ZNF365: variants seen among roughly 807,000 people sequenced by gnomAD.
ZNF365 encodes the protein zinc finger protein 365.
In ZNF365, 22 loss-of-function variants were observed where a neutral mutation model predicts 35.0. The observed-to-expected ratio is 0.63, with a 90% CI of 0.45 to 0.90. The LOEUF is 0.90. Ranked by LOEUF, ZNF365 falls within the 40% of genes least tolerant of loss-of-function variation. The pLI is 0.00. For synonymous variants in ZNF365, 188 were observed against 196.2 expected, an observed-to-expected ratio of 0.96 and a Z score of 0.35; for missense variants, 448 against 500.3, an observed-to-expected ratio of 0.90 and a Z score of 1.00.
intron 3 of ZNF365, among the ~76,000 whole-genome samples, chr10:62,411,116 G>A (rs553205494): frequency 2.6e-5 from 4 of 152,100 alleles, no homozygotes; most frequent in Non-Finnish European, 5.9e-5. Context: ...CCACTTTTTA[G>A]TGGGATTGTT....
At chr10:62,415,212 G>A (rs1418703624) in intron 3 of ZNF365, among the ~76,000 whole-genome samples, 1 of 151,860 alleles carries the variant, frequency 6.6e-6, no homozygotes. Context: ...CTCACTCTCA[G>A]CATGTGGAAA....
intron 3 of ZNF365, among the ~76,000 whole-genome samples, chr10:62,447,577 A>T (rs1840611110): frequency 6.6e-6 from 1 of 152,124 alleles, no homozygotes; most frequent in Non-Finnish European, 1.5e-5. Context: ...GCAAGGAGGG[A>T]CCTCATCATA....
In ZNF365 at chr10:62,424,560, C is replaced by G. The variant is rs147280579; in HGVS notation, c.925-35181C>G. Among the ~76,000 whole-genome samples the G allele has an allele frequency of 2.4e-3, 367 of 152,266 alleles. 5 individuals are homozygous for G. The highest frequency in any genetic ancestry group is 9.1e-4 in the Non-Finnish European group (62 of 68,026). On this transcript the variant is annotated intron_variant, in intron 3 of 4. Transcript: ENST00000395255. ...TTTTGGACCACTGATCACAAAACAC[C>G]TGTCAATGAGAGTTTTAAAAATTCT...
Position 62,376,547 on chromosome 10 carries a change from G to A in ZNF365, c.354G>A (p.Val118=). The change falls in exon 2 of 5, where the codon GTG becomes GTA. Residue 118 remains valine (V), a synonymous_variant. Transcript: ENST00000395254. ...HSKDRKPFEV[V]AERPVSYVQT... is the part of the protein sequence containing the mutation. The stretch of plus-strand genomic sequence containing the variant: ...AGGACAGGAAGCCATTTGAGGTGGT[G>A]GCAGAGAGGCCTGTGTCCTATGTGC... 2.5e-6 allele frequency: 4 copies of A among 1,614,030 alleles called. No homozygotes were observed. The South Asian group carries it at 3.3e-5, about 13-fold the overall frequency.
At chr10:62,475,329 G>A (rs951796442) in intron 4 of ZNF365, among the ~76,000 whole-genome samples, 4 of 152,150 alleles carry the variant, frequency 2.6e-5, no homozygotes, top group Admixed American at 2.6e-4. Flanking sequence ...TGCTCTGGTG[G>A]GAGGATTGTT....
chr10:62,388,728 T>C, intron 3 of ZNF365, 152 bp downstream of exon 3: 1 of 993,426 alleles, frequency 1.0e-6, no homozygotes. Context: ...TGTGGAAATG[T>C]TACTGGGGAG....
chr10:62,420,360 T>C (rs1589445994), intron 3 of ZNF365, among the ~76,000 whole-genome samples: 1 of 152,220 alleles, frequency 6.6e-6, no homozygotes, highest in Non-Finnish European at 1.5e-5. Flanking sequence ...ATTTTTTTGT[T>C]ATTGTTCAGT....
At chr10:62,392,740 C>T (rs557719812) in intron 3 of ZNF365, among the ~76,000 whole-genome samples, 113 of 152,238 alleles carry the variant, frequency 7.4e-4, no homozygotes, top group African/African-American at 2.6e-3. Flanking sequence ...AAGTGATTCT[C>T]CTGCCTCAGC....
chr10:62,453,846 T>G (rs1840722719), intron 3 of ZNF365, among the ~76,000 whole-genome samples: 1 of 152,214 alleles, frequency 6.6e-6, no homozygotes, highest in South Asian at 2.1e-4. Flanking sequence ...TGTCTAATAT[T>G]TGGGATATGA....
At chr10:62,449,798 A>G (rs967799801) in intron 3 of ZNF365, among the ~76,000 whole-genome samples, 1 of 149,202 alleles carries the variant, frequency 6.7e-6, no homozygotes, top group African/African-American at 2.5e-5. Context: ...TTTTTGCACT[A>G]GTCTTAGCCT....
At chr10:62,455,035 G>C (rs999281502) in intron 3 of ZNF365, among the ~76,000 whole-genome samples, 1 of 152,204 alleles carries the variant, frequency 6.6e-6, no homozygotes, top group Non-Finnish European at 1.5e-5. Context: ...GATACATTTG[G>C]TGGGGGGTTA....
At chr10:62,419,960 A>T (rs952915330) in intron 3 of ZNF365, among the ~76,000 whole-genome samples, 5 of 152,098 alleles carry the variant, frequency 3.3e-5, no homozygotes, top group Non-Finnish European at 7.4e-5. Context: ...CTGGTTTGCT[A>T]AGATATATCA....
intron 4 of ZNF365, among the ~76,000 whole-genome samples, chr10:62,466,329 G>C (rs1840943128): frequency 6.6e-6 from 1 of 152,242 alleles, no homozygotes; most frequent in Non-Finnish European, 1.5e-5. Flanking sequence ...GCCAGTGCCT[G>C]TGCTGGCACC....
chr10:62,396,444 G>A (rs1166992555), intron 3 of ZNF365, among the ~76,000 whole-genome samples: 1 of 152,128 alleles, frequency 6.6e-6, no homozygotes, highest in South Asian at 2.1e-4. Context: ...CTGCTGTGAG[G>A]GTTAATTCTG....
At chr10:62,379,387 G>C (rs1839395201) in intron 2 of ZNF365, among the ~76,000 whole-genome samples, 1 of 151,698 alleles carries the variant, frequency 6.6e-6, no homozygotes. Context: ...TTTAAAAAAA[G>C]AAAACAAAGT....
intron 2 of ZNF365, among the ~76,000 whole-genome samples, chr10:62,380,272 A>T (rs1198127696): frequency 6.6e-6 from 1 of 152,218 alleles, no homozygotes; most frequent in Non-Finnish European, 1.5e-5. Flanking sequence ...TGTGCCATCA[A>T]TGAGACAGCA....
At chr10:62,463,429 C>T (rs1840880933) in intron 4 of ZNF365, among the ~76,000 whole-genome samples, 1 of 152,234 alleles carries the variant, frequency 6.6e-6, no homozygotes, top group African/African-American at 2.4e-5. Context: ...CTCAAAAGAG[C>T]ATCCCACTAA....
At chr10:62,409,425 G>T (rs548233213) in intron 3 of ZNF365, among the ~76,000 whole-genome samples, 1 of 152,078 alleles carries the variant, frequency 6.6e-6, no homozygotes, top group African/African-American at 2.4e-5. Context: ...CTAACGAATC[G>T]CTAGAATCCG....
chr10:62,388,273 TTGCCATGGAGTAC>T (rs1440715911), intron 2 of ZNF365, 110 bp from the exon 3 acceptor site: 2 of 981,754 alleles, frequency 2.0e-6, no homozygotes, highest in Non-Finnish European at 3.0e-6. Flanking sequence ...TCTCTCGTCA[TTGCCATGGAGTAC>T]TGCCTAGGGT....
Sources: gnomAD v4.1 joint callset for allele counts (sites outside exome capture counted in the v4.1 genomes callset) on GRCh38, gnomAD v4.1.1 for gene constraint, MANE v1.5 for transcripts, NCBI Gene and HGNC (gene_info 2026-07-23, HGNC 2026-07-21) for gene names.